ZNF780B: variants seen among roughly 807,000 people sequenced by gnomAD.
The protein encoded by ZNF780B is zinc finger protein 779.
ZNF780B carries 52 observed loss-of-function variants against 74.1 expected under a neutral mutation model. The ratio of observed to expected loss-of-function variants is 0.70; its 90% CI spans 0.56 to 0.88. The LOEUF is 0.88. Among genes scored for constraint, ZNF780B ranks in the 40% least tolerant of loss-of-function variants. ZNF780B has a pLI of 0.00. For synonymous variants in ZNF780B, 315 were observed against 324.3 expected (o/e 0.97, Z 0.31); for missense variants, 953 against 1,007.6 (o/e 0.95, Z 0.73).
chr19:40,049,053 C>T, intron 2 of ZNF780B: 1 of 398,302 alleles, frequency 2.5e-6, no homozygotes. Context: ...ACGAGATGCA[C>T]TCCCTGGAAA....
In ZNF780B at chr19:40,034,906, A is replaced by C; in HGVS notation, c.1953T>G (p.Asn651Lys). Reference protein sequence around the residue: ...FKCKECGKSFNRVSNLVQHQS... With the variant: ...FKCKECGKSFKRVSNLVQHQS... Reference sequence around the variant, plus strand: ...GATGTTGAACAAGGTTTGAGACACGATTAAAGGACTTCCCACATTCTTTAC... The same window carrying C: ...GATGTTGAACAAGGTTTGAGACACGCTTAAAGGACTTCCCACATTCTTTAC... Residue 651 changes from asparagine (N) to lysine (K), a missense_variant, in exon 5 of 5, where the codon AAT becomes AAG. Transcript: ENST00000434248. The C allele has an allele frequency of 6.2e-7, 1 of 1,613,946 alleles. No individual in the cohort carries two copies. Among genetic ancestry groups the C allele is most frequent in the Non-Finnish European group, 8.5e-7 (1 of 1,179,958 alleles).
intron 4 of ZNF780B, among the ~76,000 whole-genome samples, chr19:40,039,635 G>A (rs1972532628): frequency 6.6e-6 from 1 of 152,148 alleles, no homozygotes; most frequent in Non-Finnish European, 1.5e-5. Flanking sequence ...CACATCCCTT[G>A]TAAGTTGGAT....
At chr19:40,042,604 T>C (rs1972701384) in intron 4 of ZNF780B, among the ~76,000 whole-genome samples, 1 of 152,152 alleles carries the variant, frequency 6.6e-6, no homozygotes, top group Non-Finnish European at 1.5e-5. Context: ...TTCATTTCTT[T>C]TTATTCTTTT....
At chr19:40,043,048 C>T (rs554804793) in intron 4 of ZNF780B, among the ~76,000 whole-genome samples, 1 of 152,230 alleles carries the variant, frequency 6.6e-6, no homozygotes, top group East Asian at 1.9e-4. Context: ...TACTTTTGGT[C>T]TTTGATGATG....
intron 4 of ZNF780B, among the ~76,000 whole-genome samples, chr19:40,046,865 T>C (rs1190068239): frequency 6.6e-6 from 1 of 152,222 alleles, no homozygotes; most frequent in Non-Finnish European, 1.5e-5. Flanking sequence ...CATGAATACA[T>C]TTCTTAGTGA....
intron 1 of ZNF780B, among the ~76,000 whole-genome samples, chr19:40,052,862 G>T (rs530719479): frequency 6.6e-6 from 1 of 152,252 alleles, no homozygotes; most frequent in South Asian, 2.1e-4. Context: ...AATACATACT[G>T]TTGTGAAAAC....
Position 40,036,168 on chromosome 19 carries a change from T to A in ZNF780B, c.691A>T (p.Asn231Tyr). 6.2e-7 allele frequency: 1 copy of A among 1,613,988 alleles called. No individual in the cohort carries two copies. Among genetic ancestry groups the A allele is most frequent in the South Asian group, 1.1e-5 (1 of 91,042 alleles). Reference sequence around the variant, plus strand: ...TGGCGATTAAGCTGGGTGGGAAGATTAAAGGCTTTTCCACATTCCTTACAT... The same window carrying A: ...TGGCGATTAAGCTGGGTGGGAAGATAAAAGGCTTTTCCACATTCCTTACAT... Reference protein sequence around the residue: ...FECKECGKAFNLPTQLNRHKN... With the variant: ...FECKECGKAFYLPTQLNRHKN... Residue 231 changes from asparagine (N) to tyrosine (Y), a missense_variant, in exon 5 of 5, where the codon AAT becomes TAT. By Grantham distance (143) the Asn-to-Tyr change is moderately radical. Coordinates refer to ENST00000434248, the MANE Select transcript of ZNF780B (RefSeq NM_001005851.3).
rs761498452 is a variant in ZNF780B, at chr19:40,035,133, G to A, written c.1726C>T (p.Arg576Ter). ...GGTTTCTTTCCGGTATGAATACTTC[G>A]ATGTTGATTAAGATTTGAACCACGA... ...FRRGSNLNQH[R>*]SIHTGKKPFE... Residue 576 changes from arginine to a stop codon, truncating the protein, a stop_gained, in exon 5 of 5, where the codon CGA (arginine) becomes TGA (stop). Transcript: ENST00000434248. LOFTEE classifies it high-confidence loss of function. 26 of 1,613,334 alleles carry A rather than the reference G, an allele frequency of 1.6e-5. No homozygotes were observed. Among genetic ancestry groups the A allele is most frequent in the South Asian group, 4.4e-5 (4 of 90,912 alleles).
chr19:40,048,879 G>T (rs996111918), intron 2 of ZNF780B, 83 bp from the exon 3 acceptor site: 3 of 1,582,502 alleles, frequency 1.9e-6, no homozygotes, highest in Non-Finnish European at 2.6e-6. Context: ...GGATTAAACT[G>T]CAATAAAGGA....
intron 4 of ZNF780B, among the ~76,000 whole-genome samples, chr19:40,040,457 A>G (rs1022765993): frequency 6.6e-6 from 1 of 152,020 alleles, no homozygotes. Flanking sequence ...CTCTTTTTCT[A>G]TTGATTGGAA....
intron 4 of ZNF780B, 111 bp downstream of exon 4, chr19:40,047,264 G>T: frequency 1.1e-6 from 1 of 907,624 alleles, no homozygotes; most frequent in Non-Finnish European, 1.8e-6. Flanking sequence ...GGGACCTTGG[G>T]TTATTGAAGA....
intron 4 of ZNF780B, among the ~76,000 whole-genome samples, chr19:40,038,619 A>G (rs1209172821): frequency 2.0e-5 from 3 of 150,712 alleles, no homozygotes; most frequent in Non-Finnish European, 4.5e-5. Flanking sequence ...AACTGGTGTG[A>G]GATGGTATCT....
intron 1 of ZNF780B, among the ~76,000 whole-genome samples, chr19:40,051,950 C>A (rs993814997): frequency 6.6e-6 from 1 of 152,122 alleles, no homozygotes. Flanking sequence ...GTAACATTTT[C>A]TTGAGTATCA....
intron 4 of ZNF780B, among the ~76,000 whole-genome samples, chr19:40,041,661 TG>T (rs1221951687): frequency 6.6e-6 from 1 of 152,208 alleles, no homozygotes; most frequent in African/African-American, 2.4e-5. Context: ...CATTATGTAA[TG>T]GCCTTCTTTG....
chr19:40,035,915 C>T lies in ZNF780B; in HGVS notation c.944G>A (p.Arg315Gln), dbSNP rs201941034. The change falls in exon 5 of 5, where the codon CGA becomes CAA. Residue 315 changes from arginine to glutamine, a missense_variant. Transcript: ENST00000434248. ...ATGTTCAATGAGTTGGTAATGATAT[C>T]GAAAGGCCATCTCACATTCCCTACA... ...FVCRECEMAFRYHYQLIEHCR... is the reference protein window; with the variant it reads ...FVCRECEMAFQYHYQLIEHCR... The T allele has an allele frequency of 1.4e-5, 22 of 1,613,140 alleles. No homozygotes were observed. The highest frequency in any genetic ancestry group is 6.7e-5 in the African/African-American group (5 of 74,602).
At chr19:40,052,699 A>G (rs1013238242) in intron 1 of ZNF780B, among the ~76,000 whole-genome samples, 27 of 152,312 alleles carry the variant, frequency 1.8e-4, no homozygotes, top group African/African-American at 6.0e-4. Flanking sequence ...CTACAAAGCT[A>G]TAGTAACCAA....
At chr19:40,045,405 G>T (rs1408893903) in intron 4 of ZNF780B, among the ~76,000 whole-genome samples, 1 of 152,134 alleles carries the variant, frequency 6.6e-6, no homozygotes, top group African/African-American at 2.4e-5. Flanking sequence ...ATGGAAAACA[G>T]CATGCAGATT....
At chr19:40,038,441 G>C (rs1164254204) in intron 4 of ZNF780B, among the ~76,000 whole-genome samples, 6 of 151,756 alleles carry the variant, frequency 4.0e-5, no homozygotes, top group Non-Finnish European at 8.8e-5. Flanking sequence ...GTAATGGGAT[G>C]GCTGGGTCAA....
chr19:40,044,000 A>C (rs946041796), intron 4 of ZNF780B, among the ~76,000 whole-genome samples: 6 of 152,182 alleles, frequency 3.9e-5, no homozygotes, highest in Non-Finnish European at 7.3e-5. Context: ...TGCATCGCTC[A>C]TGCTGGGAGC....
Sources: allele counts gnomAD v4.1 joint callset (sites outside exome capture counted in the v4.1 genomes callset), GRCh38; gene constraint gnomAD v4.1.1; transcripts MANE v1.5; gene names NCBI Gene and HGNC (gene_info 2026-07-23, HGNC 2026-07-21).